Variants in IDNK observed in about 807,000 individuals in gnomAD.
The protein encoded by IDNK is gluconokinase.
A neutral mutation model predicts 13.0 loss-of-function variants in IDNK; 9 were observed. The observed-to-expected ratio is 0.69, with a 90% CI of 0.42 to 1.21. IDNK has a LOEUF of 1.21. Among genes scored for constraint, IDNK ranks in the 50% most tolerant of loss-of-function variants. The pLI, the probability that IDNK is intolerant of heterozygous loss-of-function variation, is 0.00. For synonymous variants in IDNK, 92 were observed against 94.9 expected, an observed-to-expected ratio of 0.97 and a Z score of 0.18; for missense variants, 210 against 237.8, an observed-to-expected ratio of 0.88 and a Z score of 0.77.
chr9:83,638,839 AAGAC>A (rs372714666), intron 3 of IDNK, among the ~76,000 whole-genome samples: 5 of 152,348 alleles, frequency 3.3e-5, no homozygotes, highest in African/African-American at 9.6e-5. Flanking sequence ...AACATACACA[AAGAC>A]AGAAGGGTGG....
intron 3 of IDNK, among the ~76,000 whole-genome samples, chr9:83,640,867 G>C (rs900413107): frequency 6.6e-5 from 10 of 152,134 alleles, no homozygotes; most frequent in African/African-American, 2.4e-4. Flanking sequence ...GCTGAAGCTG[G>C]GTATTGGTAT....
intron 3 of IDNK, among the ~76,000 whole-genome samples, chr9:83,639,693 G>C (rs956791506): frequency 1.3e-4 from 20 of 152,204 alleles, no homozygotes; most frequent in African/African-American, 4.6e-4. Flanking sequence ...TTGGATGGCA[G>C]TGATCTAGTG....
Position 83,623,162 on chromosome 9 carries a change from A to G in IDNK, c.-10A>G. On this transcript the variant is annotated 5_prime_UTR_variant, in exon 1 of 5. Coordinates refer to ENST00000376419, the MANE Select transcript of IDNK (RefSeq NM_001001551.4). ...CCCGGAAGGCGACGGGAAGGAGCCGAGCTTGGGTTATGGCGGCGCCGGGCG... is the reference window on the plus strand; with the variant it reads ...CCCGGAAGGCGACGGGAAGGAGCCGGGCTTGGGTTATGGCGGCGCCGGGCG... 7.1e-7 allele frequency: 1 copy of G among 1,416,314 alleles called. No individual in the cohort carries two copies. Among genetic ancestry groups the G allele is most frequent in the Non-Finnish European group, 9.2e-7 (1 of 1,090,912 alleles). 87.7% of individuals were successfully genotyped at this position (1,416,314 alleles called of 1,614,324 possible).
chr9:83,626,306 CT>C, intron 1 of IDNK: 1 of 227,106 alleles, frequency 4.4e-6, no homozygotes. Flanking sequence ...AGTGGTTTTT[CT>C]TTTCCCATCT....
chr9:83,643,967 G>A lies in IDNK; in HGVS notation c.*187G>A, dbSNP rs1831388729. On this transcript the variant is annotated 3_prime_UTR_variant, in exon 5 of 5. Transcript: ENST00000376419. ...GCTGGTTCATCAGGAAGCAGAGGGG[G>A]AGTTTTAAAAGTCAAGCTTAAATTG... 1.9e-6 allele frequency: 1 copy of A among 534,400 alleles called. No individual in the cohort carries two copies. The highest frequency in any genetic ancestry group is 1.9e-5 in the African/African-American group (1 of 52,558). The allele number at this position is 534,400 out of a possible 1,614,324, so 33.1% of individuals were successfully genotyped here. A position where few individuals can be genotyped will look rare whatever the true frequency, so the allele number is the denominator to read the frequency against.
At chr9:83,626,580 C>T (rs1221322946) in intron 1 of IDNK, 4 of 579,936 alleles carry the variant, frequency 6.9e-6, no homozygotes, top group Non-Finnish European at 2.9e-6. Context: ...CCACACCCAG[C>T]TAAGTTTTGT....
At chr9:83,624,712 T>TTTTTG (rs1554722528) in intron 1 of IDNK, among the ~76,000 whole-genome samples, 23 of 151,376 alleles carry the variant, frequency 1.5e-4, no homozygotes, top group South Asian at 6.3e-4. Flanking sequence ...TTTTGTTTTT[T>TTTTTG]TTTTGTTTTG....
chr9:83,639,745 T>C (rs1831253599), intron 3 of IDNK, among the ~76,000 whole-genome samples: 1 of 152,160 alleles, frequency 6.6e-6, no homozygotes, highest in Non-Finnish European at 1.5e-5. Context: ...CCCAGTGAAA[T>C]TGTGACTATT....
At chr9:83,631,264 T>C (rs1036115349) in intron 3 of IDNK, among the ~76,000 whole-genome samples, 1 of 151,520 alleles carries the variant, frequency 6.6e-6, no homozygotes, top group South Asian at 2.1e-4. Context: ...GAGTTTTGTG[T>C]TCGGAGGGCT....
intron 3 of IDNK, among the ~76,000 whole-genome samples, chr9:83,632,894 C>T (rs1388010956): frequency 6.6e-6 from 1 of 152,182 alleles, no homozygotes; most frequent in Non-Finnish European, 1.5e-5. Flanking sequence ...CTCAATTCCC[C>T]CCTTTCTTCA....
intron 2 of IDNK, 135 bp from the exon 3 acceptor site, chr9:83,628,738 C>CT: frequency 1.5e-6 from 1 of 672,406 alleles, no homozygotes; most frequent in Non-Finnish European, 2.7e-6. Context: ...TGCTTCCCTC[C>CT]TGGGGGTTGT....
chr9:83,628,522 G>A (rs761076583), intron 2 of IDNK, among the ~76,000 whole-genome samples: 8 of 152,060 alleles, frequency 5.3e-5, no homozygotes, highest in Non-Finnish European at 7.4e-5. Context: ...GGTTGCACGC[G>A]CCTACTGTAG....
intron 3 of IDNK, among the ~76,000 whole-genome samples, chr9:83,637,623 A>G (rs529275586): frequency 1.3e-5 from 2 of 152,366 alleles, no homozygotes; most frequent in African/African-American, 4.8e-5. Context: ...CTCATGTGCC[A>G]AAATCAAAGT....
chr9:83,626,409 T>G, intron 1 of IDNK: 1 of 303,672 alleles, frequency 3.3e-6, no homozygotes, highest in Non-Finnish European at 6.5e-6. Flanking sequence ...ATCTAACTTG[T>G]TTTTTTGTTT....
chr9:83,635,364 T>A (rs557769480), intron 3 of IDNK, among the ~76,000 whole-genome samples: 1 of 152,176 alleles, frequency 6.6e-6, no homozygotes. Flanking sequence ...TTAGTGAACA[T>A]GGGAGAGTTA....
chr9:83,636,324 C>T (rs965247320), intron 3 of IDNK, among the ~76,000 whole-genome samples: 2 of 152,182 alleles, frequency 1.3e-5, no homozygotes, highest in Admixed American at 6.5e-5. Flanking sequence ...CTTGAAAGGG[C>T]AGCTTCTCCC....
intron 1 of IDNK, 187 bp from the exon 2 acceptor site, chr9:83,627,994 T>G: frequency 7.3e-7 from 1 of 1,377,944 alleles, no homozygotes; most frequent in East Asian, 2.7e-5. Flanking sequence ...TCATTGACAT[T>G]CGTGGGGATC....
intron 4 of IDNK, among the ~76,000 whole-genome samples, chr9:83,642,184 G>C (rs1831329620): frequency 6.6e-6 from 1 of 152,194 alleles, no homozygotes; most frequent in Non-Finnish European, 1.5e-5. Flanking sequence ...CATGACCCCA[G>C]TGGAAATCCT....
At chr9:83,625,612 T>G (rs1045460173) in intron 1 of IDNK, among the ~76,000 whole-genome samples, 2 of 152,280 alleles carry the variant, frequency 1.3e-5, no homozygotes, top group Admixed American at 1.3e-4. Flanking sequence ...CATCATTGGA[T>G]GTAGCAACAT....
Sources: gnomAD v4.1 joint callset for allele counts (sites outside exome capture counted in the v4.1 genomes callset) on GRCh38, gnomAD v4.1.1 for gene constraint, MANE v1.5 for transcripts, NCBI Gene and HGNC (gene_info 2026-07-23, HGNC 2026-07-21) for gene names.